Variants in NBAS observed in about 807,000 individuals in gnomAD.
NBAS encodes the protein NAG/BC035112 fusion.
A neutral mutation model predicts 302.5 loss-of-function variants in NBAS; 219 were observed. The observed-to-expected ratio is 0.72, with a 90% CI of 0.65 to 0.81. The LOEUF (loss-of-function observed/expected upper bound fraction) is 0.81. Among genes scored for constraint, NBAS ranks in the 30% least tolerant of loss-of-function variants. The probability of loss-of-function intolerance (pLI) is 0.00; values close to 1 mark genes in which losing one functional copy is unlikely to be tolerated. For synonymous variants in NBAS, 1,118 were observed against 1,021.6 expected, an observed-to-expected ratio of 1.09 and a Z score of -1.80; for missense variants, 2,932 against 2,841.6, an observed-to-expected ratio of 1.03 and a Z score of -0.72.
the NBAS span, among the ~76,000 whole-genome samples, chr2:15,027,769 T>C: frequency 6.6e-6 from 1 of 152,216 alleles, no homozygotes; most frequent in African/African-American, 2.4e-5. Flanking sequence ...GTTGTTCATA[T>C]TCCTGTCATT....
the NBAS span, among the ~76,000 whole-genome samples, chr2:14,993,118 T>C: frequency 2.6e-5 from 4 of 152,188 alleles, no homozygotes; most frequent in Non-Finnish European, 1.5e-5. Context: ...GCGTCTCCTA[T>C]GAGCAACTTA....
intron 11 of NBAS, among the ~76,000 whole-genome samples, chr2:15,493,385 C>T (rs528757026): frequency 6.6e-6 from 1 of 152,194 alleles, no homozygotes; most frequent in Non-Finnish European, 1.5e-5. Context: ...AAGTATACCT[C>T]GGCCAGGTGC....
intron 44 of NBAS, among the ~76,000 whole-genome samples, chr2:15,264,640 G>A (rs999577368): frequency 4.6e-5 from 7 of 152,174 alleles, no homozygotes; most frequent in African/African-American, 1.7e-4. Context: ...TTAGGAGCGC[G>A]CCCGTATGTG....
the NBAS span, among the ~76,000 whole-genome samples, chr2:14,954,296 T>C: frequency 6.6e-6 from 1 of 152,066 alleles, no homozygotes; most frequent in African/African-American, 2.4e-5. Flanking sequence ...GCATGAGTGT[T>C]AGGTAGGGGG....
At chr2:15,425,379 G>T (rs1677418514) in intron 22 of NBAS, among the ~76,000 whole-genome samples, 1 of 152,146 alleles carries the variant, frequency 6.6e-6, no homozygotes, top group South Asian at 2.1e-4. Context: ...ACTAAAACTA[G>T]TCTAAGATCT....
chr2:15,156,975 A>G, the NBAS span, among the ~76,000 whole-genome samples: 1 of 151,110 alleles, frequency 6.6e-6, no homozygotes, highest in African/African-American at 2.4e-5. Context: ...CCTTTGACCC[A>G]CCCCCCTCTC....
At chr2:15,486,284 A>G (rs1202771969) in intron 12 of NBAS, among the ~76,000 whole-genome samples, 1 of 152,224 alleles carries the variant, frequency 6.6e-6, no homozygotes, top group African/African-American at 2.4e-5. Context: ...TCAGGCATTC[A>G]AGGGAAATAA....
At chr2:15,004,603 T>G in the NBAS span, among the ~76,000 whole-genome samples, 1 of 151,342 alleles carries the variant, frequency 6.6e-6, no homozygotes, top group African/African-American at 2.4e-5. Flanking sequence ...CAGGCTCATG[T>G]CATCCTCCCA....
the NBAS span, among the ~76,000 whole-genome samples, chr2:14,813,081 C>T: frequency 0.4 from 61,499 of 152,022 alleles, 13,074 homozygotes; most frequent in African/African-American, 0.53. Context: ...GTCCTGCTGC[C>T]TGTACAGACT....
At chr2:14,888,327 C>T in the NBAS span, among the ~76,000 whole-genome samples, 4 of 152,056 alleles carry the variant, frequency 2.6e-5, no homozygotes, top group African/African-American at 4.8e-5. Context: ...GACAAGGTTT[C>T]ATCATGTTGG....
In NBAS at chr2:15,402,276, T is replaced by G; in HGVS notation, c.2963A>C (p.Gln988Pro). 1.9e-6 allele frequency: 3 copies of G among 1,613,646 alleles called. No homozygotes were observed. Among genetic ancestry groups the G allele is most frequent in the Non-Finnish European group, 2.5e-6 (3 of 1,179,688 alleles). Residue 988 changes from glutamine (Q) to proline (P), a missense_variant, in exon 26 of 52, where the codon CAG becomes CCG. By Grantham distance (76) the Gln-to-Pro change is moderately conservative. Coordinates refer to ENST00000281513, the MANE Select transcript of NBAS (RefSeq NM_015909.4). Reference protein sequence around the residue: ...PDLQQKIIPDQDQLMAIALEC... With the variant: ...PDLQQKIIPDPDQLMAIALEC... ...TAGTGCTATTGCCATCAGTTGGTCC[T>G]GATCAGGAATAATTTTTTGCTGCAG...
At chr2:15,445,093 G>C (rs1481371965) in intron 21 of NBAS, among the ~76,000 whole-genome samples, 4 of 151,806 alleles carry the variant, frequency 2.6e-5, no homozygotes, top group African/African-American at 9.7e-5. Context: ...GGAAGTCAGT[G>C]TGGTGATTCC....
the NBAS span, among the ~76,000 whole-genome samples, chr2:14,835,603 G>A: frequency 1.3e-5 from 2 of 151,766 alleles, no homozygotes; most frequent in African/African-American, 2.4e-5. Context: ...GGAATGATAC[G>A]GGGCACATTC....
intron 45 of NBAS, among the ~76,000 whole-genome samples, chr2:15,235,170 G>A (rs1475107383): frequency 6.6e-6 from 1 of 152,154 alleles, no homozygotes; most frequent in African/African-American, 2.4e-5. Flanking sequence ...CTATAACTAT[G>A]TAATCCCAGG....
chr2:15,101,505 T>A, the NBAS span, among the ~76,000 whole-genome samples: 48,753 of 150,950 alleles, frequency 0.32, 8,176 homozygotes, highest in South Asian at 0.41. Flanking sequence ...ATAACCCATA[T>A]ATAGTAATAG....
the NBAS span, among the ~76,000 whole-genome samples, chr2:15,149,793 C>T: frequency 6.6e-6 from 1 of 152,246 alleles, no homozygotes; most frequent in Non-Finnish European, 1.5e-5. Context: ...GTTTTAAACT[C>T]TTGATTTTTG....
At chr2:15,020,556 C>T in the NBAS span, among the ~76,000 whole-genome samples, 1 of 151,970 alleles carries the variant, frequency 6.6e-6, no homozygotes, top group South Asian at 2.1e-4. Flanking sequence ...AGAGATTGGC[C>T]CTGAAGACAA....
At chr2:15,483,759 T>TAAAGCGGCAAATTGCATGAAG (rs1680519603) in intron 12 of NBAS, among the ~76,000 whole-genome samples, 1 of 152,154 alleles carries the variant, frequency 6.6e-6, no homozygotes, top group African/African-American at 2.4e-5. Context: ...TAAAAACTAA[T>TAAAGCGGCAAATTGCATGAAG]AAAGCGGCAA....
At chr2:15,201,630 T>C (rs1276206509) in intron 48 of NBAS, among the ~76,000 whole-genome samples, 2 of 152,232 alleles carry the variant, frequency 1.3e-5, no homozygotes, top group Non-Finnish European at 2.9e-5. Flanking sequence ...AATATAAATA[T>C]GATATGTTCT....
Sources: gnomAD v4.1 joint callset for allele counts (sites outside exome capture counted in the v4.1 genomes callset) on GRCh38, gnomAD v4.1.1 for gene constraint, MANE v1.5 for transcripts, NCBI Gene and HGNC (gene_info 2026-07-23, HGNC 2026-07-21) for gene names.